CPVL: variants seen among roughly 807,000 people sequenced by gnomAD.
CPVL encodes probable serine carboxypeptidase CPVL.
A neutral mutation model predicts 63.7 loss-of-function variants in CPVL; 51 were observed. The observed-to-expected ratio is 0.80, with a 90% confidence interval of 0.64 to 1.01. The LOEUF is 1.01. Ranked by LOEUF, CPVL falls within the 50% of genes least tolerant of loss-of-function variation. CPVL has a pLI of 0.00. For synonymous variants in CPVL, 195 were observed against 206.0 expected (o/e 0.95, Z 0.46); for missense variants, 530 against 573.1 (o/e 0.92, Z 0.77).
chr7:29,063,571 T>C (rs1562748774), intron 11 of CPVL, among the ~76,000 whole-genome samples: 1 of 152,132 alleles, frequency 6.6e-6, no homozygotes, highest in Non-Finnish European at 1.5e-5. Flanking sequence ...ATTATTTTAT[T>C]TTATTTTTAT....
At chr7:29,034,853 G>GAAAA (rs60558791) in intron 11 of CPVL, among the ~76,000 whole-genome samples, 8,643 of 123,754 alleles carry the variant, frequency 0.07, 359 homozygotes, top group Middle Eastern at 0.1. Context: ...TTTTATAATG[G>GAAAA]AAAAAAAAAA....
At chr7:29,055,981 A>T (rs984075925) in intron 11 of CPVL, among the ~76,000 whole-genome samples, 1 of 152,118 alleles carries the variant, frequency 6.6e-6, no homozygotes, top group Non-Finnish European at 1.5e-5. Context: ...TATCCCCTTT[A>T]CTAGGAAGAC....
At chr7:29,041,886 TA>T (rs1455468716) in intron 11 of CPVL, among the ~76,000 whole-genome samples, 3 of 152,198 alleles carry the variant, frequency 2.0e-5, no homozygotes, top group Non-Finnish European at 4.4e-5. Flanking sequence ...TATATATATA[TA>T]GTGTTAAGGA....
intron 4 of CPVL, among the ~76,000 whole-genome samples, chr7:29,183,709 C>T (rs1483760487): frequency 3.3e-5 from 5 of 151,884 alleles, no homozygotes; most frequent in Admixed American, 6.6e-5. Context: ...TGGTGGCATT[C>T]TCTAGAGAAA....
At chr7:29,110,735 TTGCAGA>T (rs2128629050) in intron 3 of CPVL, among the ~76,000 whole-genome samples, 1 of 152,346 alleles carries the variant, frequency 6.6e-6, no homozygotes, top group East Asian at 1.9e-4. Context: ...AGAATTCAGG[TTGCAGA>T]TGGAATTAAA....
At chr7:29,185,049 A>G (rs186378177) in intron 3 of CPVL, among the ~76,000 whole-genome samples, 1 of 152,286 alleles carries the variant, frequency 6.6e-6, no homozygotes, top group Admixed American at 6.5e-5. Context: ...TTTTATTTTC[A>G]TATATTCAGA....
chr7:29,029,550 CAAAG>C (rs2128152075), intron 12 of CPVL, among the ~76,000 whole-genome samples: 1 of 152,112 alleles, frequency 6.6e-6, no homozygotes, highest in South Asian at 2.1e-4. Flanking sequence ...ATAAGCCAGG[CAAAG>C]AAAGACAAAT....
intron 5 of CPVL, among the ~76,000 whole-genome samples, chr7:29,163,291 T>G (rs1028010362): frequency 6.6e-6 from 1 of 152,158 alleles, no homozygotes; most frequent in South Asian, 2.1e-4. Flanking sequence ...TGAAAAACAT[T>G]GTAAAATACT....
At position 29,006,370 on chromosome 7, in the gene CPVL, T is replaced by C. The variant is rs371731435; in HGVS notation, c.1321-10488A>G. Among the ~76,000 whole-genome samples the C allele has an allele frequency of 2.0e-4, 31 of 152,294 alleles. 1 individual carries two copies. The South Asian group carries it at 6.2e-3, about 31-fold the overall frequency. ...CGTGAACCTAAGGAACATCCACCTA[T>C]CGTAAATTACAAGGTCTAAAACTTC... is the stretch of plus-strand genomic sequence containing the variant. On this transcript the variant is annotated intron_variant, in intron 12 of 12. Transcript: ENST00000265394.
intron 12 of CPVL, chr7:28,996,092 A>G (rs1044326134): frequency 2.3e-5 from 11 of 476,326 alleles, no homozygotes; most frequent in African/African-American, 1.4e-4. Context: ...AAGCTTAGTT[A>G]ATTTTACGCA....
At chr7:29,123,478 C>T (rs578058395) in intron 1 of CPVL, among the ~76,000 whole-genome samples, 5 of 151,236 alleles carry the variant, frequency 3.3e-5, no homozygotes, top group Middle Eastern at 6.8e-3. Context: ...GTAATGACCT[C>T]TATGGCACTG....
chr7:29,193,631 AT>A (rs1783185069), intron 1 of CPVL: 1 of 152,226 alleles, frequency 6.6e-6, no homozygotes, highest in South Asian at 2.1e-4. Context: ...AAAAATCTGC[AT>A]GGTATTTCCT....
chr7:29,069,770 A>ATGTGTGTGTG (rs70977102), intron 9 of CPVL, among the ~76,000 whole-genome samples: 65 of 132,340 alleles, frequency 4.9e-4, no homozygotes, highest in African/African-American at 1.3e-3. Flanking sequence ...TCACCAGTAA[A>ATGTGTGTGTG]TGTGTGTGTG....
intron 3 of CPVL, among the ~76,000 whole-genome samples, chr7:29,097,227 T>A (rs1416319389): frequency 6.9e-6 from 1 of 144,216 alleles, no homozygotes; most frequent in Non-Finnish European, 1.5e-5. Context: ...GTCAATACCA[T>A]CACCTTCAAT....
intron 10 of CPVL, among the ~76,000 whole-genome samples, chr7:29,064,499 T>C (rs17748484): frequency 0.1 from 15,331 of 152,148 alleles, 1,041 homozygotes; most frequent in Non-Finnish European, 0.14. Context: ...CAGAAACTAA[T>C]CTTTTGCAAT....
In CPVL at chr7:29,071,765, G is replaced by C. The variant is rs1783766391; in HGVS notation, c.864+8C>G. ...GCTCAAGGGCAGCACAGGGCCCCCA[G>C]AACTCACTTCAAAGGCCTCAAACCA... is the stretch of plus-strand genomic sequence containing the variant. On this transcript the variant is annotated splice_region_variant and intron_variant, in intron 9 of 12. Coordinates refer to ENST00000265394, the MANE Select transcript of CPVL (RefSeq NM_031311.5). 1.5e-6 allele frequency: 2 copies of C among 1,342,036 alleles called. No homozygotes were observed. The highest frequency in any genetic ancestry group is 2.0e-6 in the Non-Finnish European group (2 of 1,013,900). 83.1% of individuals were successfully genotyped at this position (1,342,036 alleles called of 1,614,324 possible). A position where few individuals can be genotyped will look rare whatever the true frequency, so the allele number is the denominator to read the frequency against.
At chr7:29,018,316 T>TA (rs970477203) in intron 12 of CPVL, among the ~76,000 whole-genome samples, 130 of 143,530 alleles carry the variant, frequency 9.1e-4, no homozygotes, top group South Asian at 2.2e-3. Flanking sequence ...ACATTTATTC[T>TA]AAAAAAAAAA....
rs780512344 is a variant in CPVL, at chr7:29,120,874, T to C, written c.169+19A>G. ...TGAACTCATGCCAGTGGTTTTCTGA[T>C]TTAATTAAACTTACTTACCTTTTTG... On this transcript the variant is annotated intron_variant, in intron 2 of 12. Coordinates refer to ENST00000265394, the MANE Select transcript of CPVL (RefSeq NM_031311.5). 2.5e-6 allele frequency: 4 copies of C among 1,601,218 alleles called. No homozygotes were observed. The highest frequency in any genetic ancestry group is 1.1e-5 in the South Asian group (1 of 88,306).
At chr7:29,135,314 C>A (rs1342578372) in intron 1 of CPVL, among the ~76,000 whole-genome samples, 1 of 151,290 alleles carries the variant, frequency 6.6e-6, no homozygotes, top group African/African-American at 2.4e-5. Context: ...TAAAAAGAAT[C>A]AAAAGCCAAA....
Sources: gnomAD v4.1 joint callset for allele counts (sites outside exome capture counted in the v4.1 genomes callset) on GRCh38, gnomAD v4.1.1 for gene constraint, MANE v1.5 for transcripts, NCBI Gene and HGNC (gene_info 2026-07-23, HGNC 2026-07-21) for gene names.